Variants in LUC7L2 observed in about 807,000 individuals in gnomAD.
LUC7L2 encodes the protein putative RNA-binding protein Luc7-like 2.
A neutral mutation model predicts 52.8 loss-of-function variants in LUC7L2; 25 were observed. The observed-to-expected ratio is 0.47, with a 90% CI of 0.34 to 0.66. LUC7L2 has a LOEUF of 0.66. Among genes scored for constraint, LUC7L2 ranks in the 30% least tolerant of loss-of-function variants. The probability of loss-of-function intolerance (pLI) is 0.01; values close to 1 mark genes in which losing one functional copy is unlikely to be tolerated. For missense variants in LUC7L2, 328 were observed against 497.8 expected, an observed-to-expected ratio of 0.66 and a Z score of 3.25; for synonymous variants, 144 against 160.9, an observed-to-expected ratio of 0.89 and a Z score of 0.80.
intron 1 of LUC7L2, among the ~76,000 whole-genome samples, chr7:139,351,089 A>G (rs1488409049): frequency 6.6e-6 from 1 of 152,090 alleles, no homozygotes; most frequent in Non-Finnish European, 1.5e-5. Flanking sequence ...CACACCCTAC[A>G]TGGTTTCCCC....
At chr7:139,362,530 G>T (rs1232974660) in intron 1 of LUC7L2, among the ~76,000 whole-genome samples, 1 of 152,022 alleles carries the variant, frequency 6.6e-6, no homozygotes, top group Non-Finnish European at 1.5e-5. Context: ...ACGCTGTTGG[G>T]TGTCTTTGGC....
At chr7:139,340,632 T>C in intron 1 of LUC7L2, 1 of 396,760 alleles carries the variant, frequency 2.5e-6, no homozygotes. Flanking sequence ...AAGGCGAAAA[T>C]GAAGTGACGA....
At chr7:139,348,459 G>A (rs553425470) in intron 1 of LUC7L2, among the ~76,000 whole-genome samples, 33 of 152,240 alleles carry the variant, frequency 2.2e-4, no homozygotes, top group African/African-American at 7.0e-4. Context: ...GGTGGCTCAT[G>A]CCTGTAATCC....
At chr7:139,345,771 A>G in intron 1 of LUC7L2, 3 of 1,458,018 alleles carry the variant, frequency 2.1e-6, no homozygotes, top group Non-Finnish European at 2.7e-6. Flanking sequence ...ATATGTATTT[A>G]TCATTAAATT....
At chr7:139,418,794 A>C (rs1241529590) in intron 9 of LUC7L2, among the ~76,000 whole-genome samples, 1 of 152,234 alleles carries the variant, frequency 6.6e-6, no homozygotes, top group Non-Finnish European at 1.5e-5. Context: ...CGTATAACAT[A>C]GTTGAACAAC....
At chr7:139,375,971 G>T in intron 1 of LUC7L2, 91 bp from the exon 2 acceptor site, 1 of 1,292,196 alleles carries the variant, frequency 7.7e-7, no homozygotes, top group South Asian at 1.3e-5. Context: ...TGTGTATATA[G>T]CCACACATAA....
At chr7:139,388,020 A>G (rs1472901362) in intron 2 of LUC7L2, among the ~76,000 whole-genome samples, 1 of 152,046 alleles carries the variant, frequency 6.6e-6, no homozygotes, top group African/African-American at 2.4e-5. Flanking sequence ...TTCTGCCTGC[A>G]ATATTCTTTC....
intron 8 of LUC7L2, chr7:139,417,023 C>G (rs1183112821): frequency 6.5e-6 from 1 of 152,716 alleles, no homozygotes; most frequent in African/African-American, 2.4e-5. Context: ...ACTGATTGCT[C>G]TCTGAGAATT....
intron 2 of LUC7L2, among the ~76,000 whole-genome samples, chr7:139,381,448 T>G (rs1311414012): frequency 6.6e-6 from 1 of 151,574 alleles, no homozygotes; most frequent in African/African-American, 2.4e-5. Flanking sequence ...GTCACACTCT[T>G]GGCCAGGCTG....
chr7:139,352,535 A>G (rs56385556), intron 1 of LUC7L2, among the ~76,000 whole-genome samples: 9,295 of 152,240 alleles, frequency 0.061, 687 homozygotes, highest in African/African-American at 0.17. Flanking sequence ...TTCAAGCAAT[A>G]TAGTTTATAT....
At chr7:139,340,494 C>T (rs1302467974) in exon 1 of LUC7L2, 2 of 398,554 alleles carry the variant, frequency 5.0e-6, no homozygotes, top group South Asian at 1.3e-4. Flanking sequence ...GTTCAACGTC[C>T]GGAGCATCGG....
At chr7:139,412,330 T>C (rs979192563) in intron 7 of LUC7L2, among the ~76,000 whole-genome samples, 1 of 151,980 alleles carries the variant, frequency 6.6e-6, no homozygotes, top group African/African-American at 2.4e-5. Context: ...CCTAGGAACA[T>C]ATTCTTTAAG....
intron 1 of LUC7L2, 45 bp downstream of exon 1, chr7:139,360,367 C>T: frequency 6.6e-7 from 1 of 1,526,714 alleles, no homozygotes; most frequent in Non-Finnish European, 8.8e-7. Flanking sequence ...GGGACGGGGA[C>T]GGCGAAGGGA....
At chr7:139,372,818 C>T (rs1024230005) in intron 1 of LUC7L2, among the ~76,000 whole-genome samples, 2 of 152,070 alleles carry the variant, frequency 1.3e-5, no homozygotes, top group Non-Finnish European at 2.9e-5. Context: ...TGTCCTATTT[C>T]TTTAGCAAAA....
chr7:139,399,069 TTATATA>T (rs10585186), intron 3 of LUC7L2, among the ~76,000 whole-genome samples: 1 of 150,904 alleles, frequency 6.6e-6, no homozygotes, highest in Admixed American at 6.6e-5. Flanking sequence ...TTGAATCTAC[TTATATA>T]TATATATACA....
intron 9 of LUC7L2, among the ~76,000 whole-genome samples, chr7:139,420,318 C>T (rs576336994): frequency 1.3e-5 from 2 of 152,292 alleles, no homozygotes; most frequent in East Asian, 1.9e-4. Flanking sequence ...ATTCTTTTGC[C>T]TCGGCCTCCC....
chr7:139,394,379 A>C (rs1794574329), intron 2 of LUC7L2, among the ~76,000 whole-genome samples: 1 of 152,182 alleles, frequency 6.6e-6, no homozygotes, highest in Non-Finnish European at 1.5e-5. Context: ...TGCCTTCCCC[A>C]AAAGGCTACT....
chr7:139,399,701 C>A (rs1196025962), intron 3 of LUC7L2, among the ~76,000 whole-genome samples: 1 of 151,782 alleles, frequency 6.6e-6, no homozygotes, highest in African/African-American at 2.4e-5. Context: ...GATCTCCTGA[C>A]CGCGTGATCC....
chr7:139,366,638 G>A (rs1800169789), intron 1 of LUC7L2, among the ~76,000 whole-genome samples: 1 of 152,196 alleles, frequency 6.6e-6, no homozygotes, highest in South Asian at 2.1e-4. Context: ...CGACAGCAGA[G>A]CTGAATGGTT....
Sources: gnomAD v4.1 joint callset for allele counts (sites outside exome capture counted in the v4.1 genomes callset) on GRCh38, gnomAD v4.1.1 for gene constraint, MANE v1.5 for transcripts, NCBI Gene and HGNC (gene_info 2026-07-23, HGNC 2026-07-21) for gene names.